ATRNL1: variants seen among roughly 807,000 people sequenced by gnomAD.
ATRNL1 encodes the protein attractin like 1.
A neutral mutation model predicts 182.7 loss-of-function variants in ATRNL1; 95 were observed. That is an observed-to-expected ratio of 0.52 (90% CI 0.44 to 0.62). ATRNL1 has a LOEUF of 0.62. Among genes scored for constraint, ATRNL1 ranks in the 20% least tolerant of loss-of-function variants. ATRNL1 has a pLI of 0.00. For missense variants in ATRNL1, 1,471 were observed against 1,679.5 expected, an observed-to-expected ratio of 0.88 and a Z score of 2.17; for synonymous variants, 576 against 568.3, an observed-to-expected ratio of 1.01 and a Z score of -0.19.
intron 26 of ATRNL1, among the ~76,000 whole-genome samples, chr10:115,599,060 C>A (rs1248410146): frequency 3.3e-5 from 5 of 152,130 alleles, no homozygotes; most frequent in African/African-American, 1.2e-4. Context: ...TTATGCAGGT[C>A]TTCTGAATAT....
At chr10:115,331,947 C>T (rs1271525558) in intron 18 of ATRNL1, among the ~76,000 whole-genome samples, 2 of 152,164 alleles carry the variant, frequency 1.3e-5, no homozygotes, top group Non-Finnish European at 2.9e-5. Flanking sequence ...CATAAACATC[C>T]TCTGTGGTGG....
intron 27 of ATRNL1, among the ~76,000 whole-genome samples, chr10:115,807,300 G>A (rs548737459): frequency 2.0e-4 from 31 of 152,126 alleles, no homozygotes; most frequent in African/African-American, 6.7e-4. Context: ...AATTGTAGCA[G>A]AGACGGATCT....
At chr10:115,778,425 A>C (rs1466412403) in intron 27 of ATRNL1, among the ~76,000 whole-genome samples, 1 of 152,232 alleles carries the variant, frequency 6.6e-6, no homozygotes, top group African/African-American at 2.4e-5. Context: ...GTTTTCTTAT[A>C]GTTGTATAAA....
chr10:115,897,109 G>T (rs1460526065), intron 28 of ATRNL1, among the ~76,000 whole-genome samples: 3 of 152,088 alleles, frequency 2.0e-5, no homozygotes, highest in Non-Finnish European at 4.4e-5. Flanking sequence ...CAAAGGAAGT[G>T]AATGGGCAAT....
chr10:115,200,825 C>G (rs1427263969), intron 8 of ATRNL1, among the ~76,000 whole-genome samples: 1 of 146,910 alleles, frequency 6.8e-6, no homozygotes, highest in African/African-American at 2.5e-5. Flanking sequence ...AATGGTTGAA[C>G]TAGTTTACAG....
chr10:115,221,110 T>A (rs556629829), intron 9 of ATRNL1, among the ~76,000 whole-genome samples: 1 of 152,200 alleles, frequency 6.6e-6, no homozygotes, highest in Non-Finnish European at 1.5e-5. Flanking sequence ...TGCACTCCTA[T>A]GATAATCTAA....
chr10:115,757,566 A>G (rs562825726), intron 27 of ATRNL1, among the ~76,000 whole-genome samples: 5 of 152,258 alleles, frequency 3.3e-5, no homozygotes, highest in African/African-American at 9.6e-5. Context: ...GGGTAACCCA[A>G]CCTTTCTCTT....
At chr10:115,845,171 C>A (rs1474263215) in intron 27 of ATRNL1, among the ~76,000 whole-genome samples, 4 of 152,010 alleles carry the variant, frequency 2.6e-5, no homozygotes, top group East Asian at 1.9e-4. Flanking sequence ...TGCTAATATC[C>A]TTTTATGAAA....
At chr10:115,148,948 C>T (rs1417793722) in intron 5 of ATRNL1, among the ~76,000 whole-genome samples, 2 of 151,894 alleles carry the variant, frequency 1.3e-5, no homozygotes, top group Non-Finnish European at 2.9e-5. Context: ...TGAGGTTTCG[C>T]CATGTTTCAC....
rs1393232822 is a variant in ATRNL1, at chr10:115,093,736, GGGGCGCCGGGGAA to G, written c.-13_-1del. 2.1e-6 allele frequency: 3 copies of G among 1,413,812 alleles called. No individual in the cohort carries two copies. The highest frequency in any genetic ancestry group is 1.5e-5 in the African/African-American group (1 of 65,910). 87.6% of individuals were successfully genotyped at this position (1,413,812 alleles called of 1,614,324 possible). A position where few individuals can be genotyped will look rare whatever the true frequency, so the allele number is the denominator to read the frequency against. ...CCCGCGAGCGCAGTCTCGCCGGGCA[GGGGCGCCGGGGAA>G]GATGGAGACTGGGGGCCGGGCCCGC... On this transcript the variant is annotated 5_prime_UTR_variant, in exon 1 of 29. Coordinates refer to ENST00000355044, the MANE Select transcript of ATRNL1 (RefSeq NM_207303.4). This position sits in a 1 kb window ranked among gnomAD's most constrained non-coding sequence, Gnocchi z 6.1.
intron 26 of ATRNL1, among the ~76,000 whole-genome samples, chr10:115,644,654 G>A (rs1252170904): frequency 1.3e-5 from 2 of 152,140 alleles, no homozygotes; most frequent in Non-Finnish European, 2.9e-5. Flanking sequence ...ATTTCACAGT[G>A]CTGTGAGAAT....
intron 17 of ATRNL1, among the ~76,000 whole-genome samples, chr10:115,311,019 T>G (rs1455699026): frequency 1.3e-5 from 2 of 152,066 alleles, no homozygotes; most frequent in Admixed American, 6.6e-5. Context: ...CAGTTATTGT[T>G]CTTTTTGCAG....
Position 115,394,677 on chromosome 10 carries a change from A to G in ATRNL1, c.3194A>G (p.His1065Arg), listed in dbSNP as rs1405479043. The G allele has an allele frequency of 1.2e-6, 2 of 1,611,864 alleles. No homozygotes were observed. The highest frequency in any genetic ancestry group is 1.7e-6 in the Non-Finnish European group (2 of 1,178,508). Residue 1065 changes from histidine (H) to arginine (R), a missense_variant, in exon 20 of 29, where the codon CAT becomes CGT. This residue lies in a region of ATRNL1 where 437 missense variants were observed against 506.0 expected (regional missense o/e 0.86). Transcript: ENST00000355044. ...CTTACAGCTTGTACATGCAGTGGCC[A>G]TGCAAATATCTGTCATCTGCACACA... ...GQCTACTCSG[H>R]ANICHLHTGK...
intron 18 of ATRNL1, among the ~76,000 whole-genome samples, chr10:115,329,678 G>A (rs1036847328): frequency 1.9e-4 from 29 of 151,454 alleles, no homozygotes; most frequent in African/African-American, 7.0e-4. Context: ...AGCCTATTTT[G>A]TCTAATAGAA....
At chr10:115,367,617 T>A (rs1431237536) in intron 19 of ATRNL1, among the ~76,000 whole-genome samples, 1 of 151,190 alleles carries the variant, frequency 6.6e-6, no homozygotes, top group Non-Finnish European at 1.5e-5. Flanking sequence ...GTTTCCAGTT[T>A]TTCTGTTCTG....
At chr10:115,169,658 C>G (rs1592204582) in intron 7 of ATRNL1, among the ~76,000 whole-genome samples, 2 of 152,164 alleles carry the variant, frequency 1.3e-5, no homozygotes, top group Non-Finnish European at 1.5e-5. Flanking sequence ...AAGAAGCCAG[C>G]TGAGATTTTG....
chr10:115,204,278 C>CCT (rs1848715710), intron 8 of ATRNL1, among the ~76,000 whole-genome samples: 1 of 151,948 alleles, frequency 6.6e-6, no homozygotes, highest in Admixed American at 6.6e-5. Flanking sequence ...GGATGTCTTT[C>CCT]ATTTTTTTCT....
rs573847544 is a variant in ATRNL1 at position 115,212,157 on chromosome 10, GT to G, written c.1349-3538del. Among the ~76,000 whole-genome samples the G allele has an allele frequency of 1.7e-3, 260 of 151,878 alleles. 1 individual carries two copies. Among genetic ancestry groups the G allele is most frequent in the African/African-American group, 6.0e-3 (248 of 41,456 alleles). On this transcript the variant is annotated intron_variant, in intron 8 of 28. Coordinates refer to ENST00000355044, the MANE Select transcript of ATRNL1 (RefSeq NM_207303.4). ...GGTGTACTGAGCTCAGTACCCAATAGTTATTCACCCCTTGCCCCACTCCCTC... is the reference window on the plus strand; with the variant it reads ...GGTGTACTGAGCTCAGTACCCAATAGTATTCACCCCTTGCCCCACTCCCTC...
At chr10:115,498,271 A>G (rs1849649563) in intron 24 of ATRNL1, among the ~76,000 whole-genome samples, 2 of 151,430 alleles carry the variant, frequency 1.3e-5, no homozygotes, top group African/African-American at 4.9e-5. Context: ...CACAGGGTAG[A>G]AAAGATTTTT....
Sources: gnomAD v4.1 joint callset for allele counts (sites outside exome capture counted in the v4.1 genomes callset) on GRCh38, gnomAD v4.1.1 for gene constraint, gnomAD v4.1.1 regional missense constraint, Gnocchi (gnomAD v3.1) non-coding constraint, MANE v1.5 for transcripts, NCBI Gene and HGNC (gene_info 2026-07-23, HGNC 2026-07-21) for gene names.